TANC1: variants seen among roughly 807,000 people sequenced by gnomAD.
The protein encoded by TANC1 is tetratricopeptide repeat, ankyrin repeat and coiled-coil containing 1.
A neutral mutation model predicts 149.7 loss-of-function variants in TANC1; 77 were observed. That is an observed-to-expected ratio of 0.51 (90% CI 0.43 to 0.62). The LOEUF (loss-of-function observed/expected upper bound fraction) is 0.62. Among genes scored for constraint, TANC1 ranks in the 20% least tolerant of loss-of-function variants. The pLI is 0.00. For synonymous variants in TANC1, 854 were observed against 925.0 expected (o/e 0.92, Z 1.39); for missense variants, 1,985 against 2,321.8 (o/e 0.85, Z 2.98).
At chr2:159,160,866 T>G (rs906690633) in intron 7 of TANC1, among the ~76,000 whole-genome samples, 1 of 152,222 alleles carries the variant, frequency 6.6e-6, no homozygotes, top group Non-Finnish European at 1.5e-5. Context: ...TCTAAATGGT[T>G]ACCCCATCTG....
intron 4 of TANC1, 39 bp downstream of exon 4, chr2:159,097,873 T>C (rs1454319397): frequency 6.4e-7 from 1 of 1,567,604 alleles, no homozygotes; most frequent in Admixed American, 1.7e-5. Flanking sequence ...GTTATATATG[T>C]AGTACCTGCA....
At chr2:159,009,888 A>G (rs548574788) in intron 2 of TANC1, among the ~76,000 whole-genome samples, 1 of 136,560 alleles carries the variant, frequency 7.3e-6, no homozygotes, top group Non-Finnish European at 1.6e-5. Context: ...TAATTTACAA[A>G]TTAAAAAAAA....
At chr2:159,142,721 G>A (rs1365042872) in intron 5 of TANC1, among the ~76,000 whole-genome samples, 2 of 151,460 alleles carry the variant, frequency 1.3e-5, no homozygotes, top group African/African-American at 4.9e-5. Context: ...TAGGTATTTG[G>A]CACATTTTTT....
intron 2 of TANC1, among the ~76,000 whole-genome samples, chr2:159,055,532 A>G (rs1262896012): frequency 6.6e-6 from 1 of 152,140 alleles, no homozygotes; most frequent in Non-Finnish European, 1.5e-5. Flanking sequence ...GCCTTTACTA[A>G]TCCTGTGGGC....
intron 4 of TANC1, among the ~76,000 whole-genome samples, chr2:159,121,531 G>A (rs533148472): frequency 3.9e-5 from 6 of 152,062 alleles, no homozygotes; most frequent in African/African-American, 9.7e-5. Flanking sequence ...ACGGGGTTTC[G>A]CCATGTTGGC....
intron 1 of TANC1, among the ~76,000 whole-genome samples, chr2:158,997,736 A>T (rs1279296832): frequency 1.3e-5 from 2 of 152,224 alleles, no homozygotes; most frequent in African/African-American, 4.8e-5. Context: ...TCCAAGATAT[A>T]AAATAAATAT....
At chr2:159,102,168 G>A (rs924477509) in intron 4 of TANC1, among the ~76,000 whole-genome samples, 2 of 152,048 alleles carry the variant, frequency 1.3e-5, no homozygotes, top group Non-Finnish European at 2.9e-5. Flanking sequence ...AAATCCCATC[G>A]AAAAAGAACT....
At chr2:159,180,165 T>C (rs1469184750) in intron 14 of TANC1, among the ~76,000 whole-genome samples, 2 of 152,226 alleles carry the variant, frequency 1.3e-5, no homozygotes, top group Non-Finnish European at 2.9e-5. Flanking sequence ...GGGGCTGTTA[T>C]TATTTTCTTC....
rs71338838 is a variant in TANC1 at position 159,094,782 on chromosome 2, G to A, written c.62-2855G>A. Among the ~76,000 whole-genome samples the A allele has an allele frequency of 4.4e-5, 6 of 137,172 alleles. No homozygotes were observed. The South Asian group carries it at 7.0e-4, about 16-fold the overall frequency. 90.0% of individuals were successfully genotyped at this position (137,172 alleles called of 152,430 possible). On this transcript the variant is annotated intron_variant, in intron 3 of 26. Transcript: ENST00000263635. The stretch of plus-strand genomic sequence containing the variant: ...TGAAGCTTGTGTGTGTGTGGGGGGG[G>A]GGTGGGGGCCAGCCTGGGGGCCACT...
intron 4 of TANC1, among the ~76,000 whole-genome samples, chr2:159,110,004 A>T (rs2047567492): frequency 6.6e-6 from 1 of 152,256 alleles, no homozygotes; most frequent in Non-Finnish European, 1.5e-5. Flanking sequence ...AAATTATGAC[A>T]AAGGAAAAAG....
At chr2:159,121,027 AG>A (rs1383528697) in intron 4 of TANC1, among the ~76,000 whole-genome samples, 1 of 152,204 alleles carries the variant, frequency 6.6e-6, no homozygotes, top group Non-Finnish European at 1.5e-5. Flanking sequence ...CATAGGTTCC[AG>A]GGAGTATGTC....
At chr2:159,147,327 C>A (rs1477671248) in intron 5 of TANC1, among the ~76,000 whole-genome samples, 4 of 152,228 alleles carry the variant, frequency 2.6e-5, no homozygotes, top group Non-Finnish European at 5.9e-5. Flanking sequence ...TGCCCCCTCA[C>A]CCACTTCTTC....
chr2:159,025,237 C>CTTTCTTTA (rs2039217348), intron 2 of TANC1, among the ~76,000 whole-genome samples: 2 of 112,652 alleles, frequency 1.8e-5, no homozygotes, highest in Non-Finnish European at 3.8e-5. Flanking sequence ...TTCTTTCTTT[C>CTTTCTTTA]TTTTCTCCTT....
rs1391694805 is a variant in TANC1 at position 159,103,577 on chromosome 2, T to C, written c.259+5743T>C. Among the ~76,000 whole-genome samples the C allele has an allele frequency of 2.1e-5, 2 of 96,954 alleles. 1 individual carries two copies. The highest frequency in any genetic ancestry group is 5.8e-5 in the Non-Finnish European group (2 of 34,670). 63.6% of individuals were successfully genotyped at this position (96,954 alleles called of 152,430 possible). The stretch of plus-strand genomic sequence containing the variant: ...TTGCATGAGACTGTGTCGGGAATTA[T>C]GACAGCTGAGTCAGATCAAGTTCAT... On this transcript the variant is annotated intron_variant, in intron 4 of 26. Transcript: ENST00000263635.
chr2:159,195,831 A>AG (rs1192293076), intron 17 of TANC1, among the ~76,000 whole-genome samples: 1 of 152,180 alleles, frequency 6.6e-6, no homozygotes, highest in African/African-American at 2.4e-5. Flanking sequence ...GTGCTATGTC[A>AG]GGGGGCTCTG....
chr2:159,031,659 T>C (rs145296181), intron 2 of TANC1, among the ~76,000 whole-genome samples: 5 of 152,254 alleles, frequency 3.3e-5, no homozygotes, highest in African/African-American at 9.6e-5. Context: ...CTATTACTTA[T>C]CGAGAAATAA....
At chr2:159,009,257 C>G (rs563465544) in intron 2 of TANC1, among the ~76,000 whole-genome samples, 7 of 152,192 alleles carry the variant, frequency 4.6e-5, no homozygotes, top group Non-Finnish European at 1.0e-4. Context: ...AACCCCACTA[C>G]TGAGTATATA....
chr2:159,108,829 C>T (rs1199485608), intron 4 of TANC1, among the ~76,000 whole-genome samples: 1 of 152,074 alleles, frequency 6.6e-6, no homozygotes, highest in African/African-American at 2.4e-5. Flanking sequence ...AACCAGAGTG[C>T]CTTACAAAAG....
chr2:158,979,556 G>T (rs1319564999), intron 1 of TANC1, among the ~76,000 whole-genome samples: 1 of 152,002 alleles, frequency 6.6e-6, no homozygotes, highest in Non-Finnish European at 1.5e-5. Context: ...AATCTGTGGG[G>T]CTTTTATTTC....
Sources: allele counts gnomAD v4.1 joint callset (sites outside exome capture counted in the v4.1 genomes callset), GRCh38; gene constraint gnomAD v4.1.1; transcripts MANE v1.5; gene names NCBI Gene and HGNC (gene_info 2026-07-23, HGNC 2026-07-21).